Variants in RARB observed in about 807,000 individuals in gnomAD.
The protein encoded by RARB is retinoic acid receptor beta.
Under a neutral mutation model 51.9 loss-of-function variants are expected in RARB, and 17 were observed. That is an observed-to-expected ratio of 0.33 (90% CI 0.22 to 0.49). The LOEUF is 0.49. Ranked by LOEUF, RARB falls within the 20% of genes least tolerant of loss-of-function variation. The pLI, the probability that RARB is intolerant of heterozygous loss-of-function variation, is 0.99. For synonymous variants in RARB, 215 were observed against 195.4 expected, an observed-to-expected ratio of 1.10 and a Z score of -0.84; for missense variants, 369 against 550.8, an observed-to-expected ratio of 0.67 and a Z score of 3.30.
At chr3:24,849,180 AT>A (rs1411226207) in intron 1 of RARB, among the ~76,000 whole-genome samples, 1 of 152,250 alleles carries the variant, frequency 6.6e-6, no homozygotes, top group Non-Finnish European at 1.5e-5. Context: ...TAAGAGATTA[AT>A]AAAAATAAGC....
chr3:25,141,291 C>T (rs964603989), intron 4 of RARB, among the ~76,000 whole-genome samples: 5 of 151,918 alleles, frequency 3.3e-5, no homozygotes, highest in Non-Finnish European at 5.9e-5. Context: ...CTACCACTAT[C>T]TAAATTCAAT....
chr3:25,249,288 A>T (rs1385935192), intron 5 of RARB, among the ~76,000 whole-genome samples: 2 of 151,954 alleles, frequency 1.3e-5, no homozygotes, highest in Non-Finnish European at 2.9e-5. Flanking sequence ...TTGGTTCTTT[A>T]TTATGATATC....
intron 3 of RARB, among the ~76,000 whole-genome samples, chr3:25,517,375 A>G (rs1698213656): frequency 6.6e-6 from 1 of 152,232 alleles, no homozygotes; most frequent in Admixed American, 6.5e-5. Context: ...ACAAATAACT[A>G]ATAAATACAT....
chr3:24,901,646 G>A (rs980263271), intron 2 of RARB, among the ~76,000 whole-genome samples: 2 of 152,310 alleles, frequency 1.3e-5, no homozygotes, highest in Admixed American at 1.3e-4. Context: ...TTTTATGAGA[G>A]TGAATAAAGT....
intron 5 of RARB, among the ~76,000 whole-genome samples, chr3:25,331,170 C>G (rs1466756098): frequency 1.3e-5 from 2 of 152,192 alleles, no homozygotes; most frequent in African/African-American, 4.8e-5. Flanking sequence ...CTGCACCAAG[C>G]AGACCTAATA....
chr3:24,956,545 G>A (rs1696018500), intron 2 of RARB, among the ~76,000 whole-genome samples: 2 of 152,164 alleles, frequency 1.3e-5, no homozygotes, highest in Admixed American at 6.5e-5. Flanking sequence ...CTGAAACCTG[G>A]TCTCAAGCTG....
chr3:25,360,583 A>C (rs957734751), intron 5 of RARB, among the ~76,000 whole-genome samples: 1 of 152,050 alleles, frequency 6.6e-6, no homozygotes, highest in Non-Finnish European at 1.5e-5. Context: ...TGGTCTTTAC[A>C]TTTTGGTTTG....
rs577641706 is a variant in RARB at position 25,085,255 on chromosome 3, A to C, written c.-328+25079A>C. ...TTCTTTAACAAACATAACAATGTAA[A>C]TGTAAGCCATAAAATGGTAACACAT... On this transcript the variant is annotated intron_variant, in intron 3 of 11. Transcript: ENST00000383772. 2.7e-3 allele frequency among the ~76,000 whole-genome samples: 409 copies of C among 152,332 alleles called. 2 individuals are homozygous for C. Among genetic ancestry groups the C allele is most frequent in the African/African-American group, 9.5e-3 (397 of 41,582 alleles).
At chr3:25,536,383 G>T (rs140721212) in intron 3 of RARB, among the ~76,000 whole-genome samples, 1 of 150,532 alleles carries the variant, frequency 6.6e-6, no homozygotes, top group Non-Finnish European at 1.5e-5. Flanking sequence ...TGCCTCAGAA[G>T]ACTTAGCAGG....
intron 2 of RARB, among the ~76,000 whole-genome samples, chr3:25,021,063 G>T (rs1432437582): frequency 6.6e-6 from 1 of 152,198 alleles, no homozygotes; most frequent in Non-Finnish European, 1.5e-5. Flanking sequence ...GTAAAATGAT[G>T]TATTCTGAAA....
At chr3:24,960,132 A>G (rs1041221407) in intron 2 of RARB, among the ~76,000 whole-genome samples, 2 of 152,210 alleles carry the variant, frequency 1.3e-5, no homozygotes, top group Non-Finnish European at 1.5e-5. Flanking sequence ...TTTCCCTTTC[A>G]GGTTCTACCT....
intron 4 of RARB, among the ~76,000 whole-genome samples, chr3:25,139,505 GC>G (rs1700078710): frequency 6.6e-6 from 1 of 152,112 alleles, no homozygotes; most frequent in African/African-American, 2.4e-5. Context: ...TCACTTCAAT[GC>G]CATCAAGGCT....
At position 25,584,892 on chromosome 3, in the gene RARB, A is replaced by G. The variant is rs1575542701; in HGVS notation, c.786+4170A>G. Among the ~76,000 whole-genome samples, 3 of 151,614 alleles carry G rather than the reference A, an allele frequency of 2.0e-5. No individual in the cohort carries two copies. The South Asian group carries it at 6.2e-4, about 32-fold the overall frequency. On this transcript the variant is annotated intron_variant, in intron 5 of 7. Coordinates refer to ENST00000330688, the MANE Select transcript of RARB (RefSeq NM_000965.5). ...CCTGCCCTGTTGGACTCTACAGTCA[A>G]CTCCAACCCCGCCTGGCCTGCCCCT...
chr3:25,334,624 C>T (rs1705009734), intron 5 of RARB, among the ~76,000 whole-genome samples: 1 of 152,044 alleles, frequency 6.6e-6, no homozygotes, highest in East Asian at 1.9e-4. Context: ...CACATGTATA[C>T]ATATGTAACA....
chr3:24,899,524 C>T (rs1361516087), intron 2 of RARB, among the ~76,000 whole-genome samples: 1 of 152,172 alleles, frequency 6.6e-6, no homozygotes, highest in Non-Finnish European at 1.5e-5. Flanking sequence ...ACATCAGTCT[C>T]TCTCCCTCAA....
intron 5 of RARB, among the ~76,000 whole-genome samples, chr3:25,193,421 A>C (rs1002754600): frequency 6.6e-6 from 1 of 152,070 alleles, no homozygotes; most frequent in African/African-American, 2.4e-5. Context: ...TTAAAACCTT[A>C]AGTCCCTAAA....
chr3:25,148,138 A>C (rs1031095574), intron 4 of RARB, among the ~76,000 whole-genome samples: 3 of 152,228 alleles, frequency 2.0e-5, no homozygotes, highest in African/African-American at 2.4e-5. Flanking sequence ...TATGTAAGTT[A>C]CACTTTTGTT....
chr3:25,440,477 A>T (rs2364119), intron 1 of RARB, among the ~76,000 whole-genome samples: 86,865 of 151,068 alleles, frequency 0.58, 25,372 homozygotes, highest in African/African-American at 0.68. Context: ...AAATTTATTT[A>T]AAAAAAAAAT....
intron 5 of RARB, among the ~76,000 whole-genome samples, chr3:25,367,172 C>G (rs575598958): frequency 1.5e-4 from 23 of 152,200 alleles, no homozygotes; most frequent in African/African-American, 4.3e-4. Context: ...AAAAGACAGA[C>G]ATGCTTATCA....
Sources: gnomAD v4.1 joint callset for allele counts (sites outside exome capture counted in the v4.1 genomes callset) on GRCh38, gnomAD v4.1.1 for gene constraint, MANE v1.5 for transcripts, NCBI Gene and HGNC (gene_info 2026-07-23, HGNC 2026-07-21) for gene names.